Variants in GPHN observed in about 807,000 individuals in gnomAD.
GPHN encodes gephyrin.
GPHN carries 17 observed loss-of-function variants against 95.5 expected under a neutral mutation model. The observed-to-expected ratio is 0.18, with a 90% CI of 0.12 to 0.27. The LOEUF (loss-of-function observed/expected upper bound fraction) is 0.27. Among genes scored for constraint, GPHN ranks in the 10% least tolerant of loss-of-function variants. The pLI is 1.00. For missense variants in GPHN, 660 were observed against 978.1 expected (o/e 0.67, Z 4.34); for synonymous variants, 320 against 322.5 (o/e 0.99, Z 0.08).
At chr14:67,393,094 C>T in the GPHN span, 1 of 1,307,596 alleles carries the variant, frequency 7.6e-7, no homozygotes, top group South Asian at 1.2e-5. Context: ...CAGCTGAGCC[C>T]TGCATCACCA....
At chr14:67,340,902 C>T in the GPHN span, among the ~76,000 whole-genome samples, 1 of 152,264 alleles carries the variant, frequency 6.6e-6, no homozygotes, top group Non-Finnish European at 1.5e-5. Context: ...TCTCCAGCTC[C>T]TAACTGCGAG....
chr14:67,296,359 G>C, the GPHN span, among the ~76,000 whole-genome samples: 1 of 152,152 alleles, frequency 6.6e-6, no homozygotes, highest in African/African-American at 2.4e-5. Context: ...CCAGCATTTT[G>C]GGAGGCCAAG....
chr14:67,366,844 A>ATGTT, the GPHN span, among the ~76,000 whole-genome samples: 1 of 152,270 alleles, frequency 6.6e-6, no homozygotes, highest in African/African-American at 2.4e-5. Context: ...AAGAAAGGGT[A>ATGTT]TGTTTTCTGT....
intron 1 of GPHN, among the ~76,000 whole-genome samples, chr14:66,584,553 A>C (rs1349637544): frequency 1.3e-5 from 2 of 152,072 alleles, no homozygotes; most frequent in African/African-American, 4.8e-5. Flanking sequence ...TTATTTTGAG[A>C]TATGTCCCAT....
chr14:67,112,156 A>G (rs955862589), intron 15 of GPHN, among the ~76,000 whole-genome samples: 1 of 152,216 alleles, frequency 6.6e-6, no homozygotes, highest in African/African-American at 2.4e-5. Context: ...AGGTAAAGTC[A>G]TGAGCCTACA....
chr14:66,810,679 T>G (rs909793257), intron 3 of GPHN, among the ~76,000 whole-genome samples: 5 of 152,158 alleles, frequency 3.3e-5, no homozygotes, highest in Non-Finnish European at 5.9e-5. Context: ...CATAATAGTT[T>G]TATAATCTTT....
intron 17 of GPHN, among the ~76,000 whole-genome samples, chr14:67,135,637 T>G (rs911859249): frequency 2.6e-5 from 4 of 152,210 alleles, no homozygotes; most frequent in African/African-American, 4.8e-5. Flanking sequence ...TTCTGTTTAT[T>G]TTTGAAATTC....
At chr14:67,449,890 G>C in the GPHN span, 5 of 152,292 alleles carry the variant, frequency 3.3e-5, no homozygotes, top group African/African-American at 9.7e-5. Context: ...TCAGGGGTTT[G>C]AGACCAGCCT....
rs569590948 is a variant in GPHN at position 66,846,821 on chromosome 14, G to A, written c.294+22255G>A. ...GTAAGTAGATAACTAATGTCCAATA[G>A]GCTGTTCTTGAATGTAATTGCAAGC... On this transcript the variant is annotated intron_variant, in intron 4 of 22. Transcript: ENST00000478722. Among the ~76,000 whole-genome samples, 5 of 152,234 alleles carry A rather than the reference G, an allele frequency of 3.3e-5. No homozygotes were observed. In the South Asian group the frequency reaches 1.0e-3, roughly 32 times the overall value.
At chr14:67,042,177 T>C (rs931619013) in intron 10 of GPHN, among the ~76,000 whole-genome samples, 3 of 152,160 alleles carry the variant, frequency 2.0e-5, no homozygotes, top group Non-Finnish European at 4.4e-5. Flanking sequence ...CTGTTCACTC[T>C]TTTTAGTTTC....
chr14:66,787,543 CAA>C (rs1196455471), intron 3 of GPHN, among the ~76,000 whole-genome samples: 3 of 151,998 alleles, frequency 2.0e-5, no homozygotes, highest in Non-Finnish European at 2.9e-5. Context: ...TTAAAAAGAA[CAA>C]AGTGGAAAGA....
At chr14:66,630,489 A>AT (rs959693745) in intron 1 of GPHN, among the ~76,000 whole-genome samples, 47 of 145,872 alleles carry the variant, frequency 3.2e-4, no homozygotes, top group African/African-American at 8.3e-4. Flanking sequence ...TGTTGTTGTT[A>AT]TTTTTTTTTT....
At chr14:66,760,088 C>T (rs2058704474) in intron 2 of GPHN, among the ~76,000 whole-genome samples, 1 of 152,248 alleles carries the variant, frequency 6.6e-6, no homozygotes, top group South Asian at 2.1e-4. Context: ...ACAGCACTTA[C>T]AATATTTGAA....
intron 11 of GPHN, among the ~76,000 whole-genome samples, chr14:67,059,202 A>G (rs944901446): frequency 2.6e-5 from 4 of 152,114 alleles, no homozygotes; most frequent in Admixed American, 2.0e-4. Context: ...TTCTGTTTGG[A>G]AAACCTGTAT....
chr14:66,582,970 A>G (rs1321579415), intron 1 of GPHN, among the ~76,000 whole-genome samples: 1 of 152,178 alleles, frequency 6.6e-6, no homozygotes, highest in Non-Finnish European at 1.5e-5. Flanking sequence ...ACTGACTTCC[A>G]CAATGGTGGA....
chr14:66,852,459 G>A (rs2062628220), intron 4 of GPHN, among the ~76,000 whole-genome samples: 1 of 152,234 alleles, frequency 6.6e-6, no homozygotes, highest in Non-Finnish European at 1.5e-5. Context: ...GAGAAGAAAG[G>A]AAAGGGGGAG....
the GPHN span, among the ~76,000 whole-genome samples, chr14:67,319,962 G>A: frequency 6.6e-6 from 1 of 152,220 alleles, no homozygotes; most frequent in African/African-American, 2.4e-5. Flanking sequence ...AGTATTGACT[G>A]CAAATTAGCT....
chr14:66,697,909 G>A (rs951181821), intron 2 of GPHN, among the ~76,000 whole-genome samples: 4 of 151,826 alleles, frequency 2.6e-5, no homozygotes, highest in Non-Finnish European at 5.9e-5. Flanking sequence ...TGCCCAGGCT[G>A]GTCTCAAACT....
the GPHN span, among the ~76,000 whole-genome samples, chr14:67,484,861 T>C: frequency 1.2e-4 from 19 of 152,360 alleles, no homozygotes; most frequent in East Asian, 3.7e-3. Context: ...CAAGTCACCA[T>C]AATATACTTA....
Sources: gnomAD v4.1 joint callset for allele counts (sites outside exome capture counted in the v4.1 genomes callset) on GRCh38, gnomAD v4.1.1 for gene constraint, MANE v1.5 for transcripts, NCBI Gene and HGNC (gene_info 2026-07-23, HGNC 2026-07-21) for gene names.